Variants in ATP9B observed in about 807,000 individuals in gnomAD.
ATP9B encodes ATPase phospholipid transporting 9B, also known as probable phospholipid-transporting ATPase IIB.
Under a neutral mutation model 146.1 loss-of-function variants are expected in ATP9B, and 110 were observed. The ratio of observed to expected loss-of-function variants is 0.75; its 90% confidence interval spans 0.65 to 0.88. The LOEUF is 0.88. Among genes scored for constraint, ATP9B ranks in the 40% least tolerant of loss-of-function variants. The pLI is 0.00. For missense variants in ATP9B, 1,499 were observed against 1,496.4 expected (o/e 1.00, Z -0.03); for synonymous variants, 604 against 569.7 (o/e 1.06, Z -0.86).
intron 11 of ATP9B, among the ~76,000 whole-genome samples, chr18:79,215,944 C>G (rs1166654383): frequency 2.0e-5 from 3 of 152,164 alleles, no homozygotes; most frequent in Non-Finnish European, 4.4e-5. Flanking sequence ...CTCGCCTCAG[C>G]CTCCCAAAGT....
rs925407234 is a variant in ATP9B at position 79,200,154 on chromosome 18, G to A, written c.955-6783G>A. On this transcript the variant is annotated intron_variant, in intron 9 of 29. Transcript: ENST00000426216. ...TTTTCACCACCGTCACCACAAACAC[G>A]TGAGTAATGTCTAATGCTATGACAT... Among the ~76,000 whole-genome samples the A allele has an allele frequency of 4.6e-5, 7 of 152,192 alleles. No individual in the cohort carries two copies. The East Asian group carries it at 9.6e-4, about 21-fold the overall frequency.
intron 6 of ATP9B, among the ~76,000 whole-genome samples, chr18:79,148,319 T>C (rs1203854141): frequency 1.3e-5 from 2 of 152,218 alleles, no homozygotes; most frequent in Non-Finnish European, 2.9e-5. Context: ...AGAATATCTT[T>C]ATCTCAGTAC....
At chr18:79,139,585 A>C (rs1465856472) in intron 5 of ATP9B, among the ~76,000 whole-genome samples, 1 of 152,224 alleles carries the variant, frequency 6.6e-6, no homozygotes, top group Non-Finnish European at 1.5e-5. Flanking sequence ...TGTGGGCTAC[A>C]TGAGATATTT....
intron 13 of ATP9B, among the ~76,000 whole-genome samples, chr18:79,296,392 G>T (rs1220914232): frequency 1.3e-5 from 2 of 152,188 alleles, no homozygotes; most frequent in East Asian, 1.9e-4. Flanking sequence ...AAATTGTGTG[G>T]TTTTTTCCTA....
chr18:79,117,634 G>A (rs1347888318), intron 4 of ATP9B: 1 of 152,176 alleles, frequency 6.6e-6, no homozygotes, highest in Admixed American at 6.5e-5. Context: ...AACTCTTCCA[G>A]GGCTCTCAGA....
At chr18:79,170,050 A>T (rs1205299363) in intron 7 of ATP9B, among the ~76,000 whole-genome samples, 2 of 152,152 alleles carry the variant, frequency 1.3e-5, no homozygotes, top group Non-Finnish European at 2.9e-5. Context: ...TGCTGCGGTG[A>T]TCACTTGCAA....
chr18:79,237,264 C>G (rs183429554), intron 11 of ATP9B, among the ~76,000 whole-genome samples: 1,803 of 145,158 alleles, frequency 0.012, 18 homozygotes, highest in African/African-American at 0.045. Flanking sequence ...GAGTCAGTGT[C>G]CACACCTGCC....
intron 11 of ATP9B, among the ~76,000 whole-genome samples, chr18:79,241,428 T>A (rs1336692954): frequency 6.6e-6 from 1 of 152,192 alleles, no homozygotes; most frequent in African/African-American, 2.4e-5. Context: ...ACCCACAGCT[T>A]CTCTATCGTC....
In ATP9B at chr18:79,223,299, A is replaced by G. The variant is rs910054216; in HGVS notation, c.1107+9261A>G. 2.0e-5 allele frequency among the ~76,000 whole-genome samples: 3 copies of G among 152,068 alleles called. No homozygotes were observed. The East Asian group carries it at 5.8e-4, about 29-fold the overall frequency. On this transcript the variant is annotated intron_variant, in intron 11 of 29. Coordinates refer to ENST00000426216, the MANE Select transcript of ATP9B (RefSeq NM_198531.5). Reference sequence around the variant, plus strand: ...ATAATTTATTAATATTTTAAAAGTTATATTGATTTATATTAAAATATTACA... The same window carrying G: ...ATAATTTATTAATATTTTAAAAGTTGTATTGATTTATATTAAAATATTACA...
intron 1 of ATP9B, among the ~76,000 whole-genome samples, chr18:79,094,660 A>G (rs1324621047): frequency 6.6e-6 from 1 of 152,226 alleles, no homozygotes; most frequent in Non-Finnish European, 1.5e-5. Context: ...TGTGGCTAGA[A>G]AGGGTGGGTT....
chr18:79,336,467 A>C (rs1329254961), intron 17 of ATP9B, among the ~76,000 whole-genome samples, 161 bp from the exon 18 acceptor site: 9 of 152,154 alleles, frequency 5.9e-5, no homozygotes. Flanking sequence ...ATTGTATGTA[A>C]AGGTGTCCCT....
chr18:79,277,033 G>A, intron 12 of ATP9B, 21 bp from the exon 13 acceptor site: 1 of 1,613,942 alleles, frequency 6.2e-7, no homozygotes. Flanking sequence ...ACTAACCACT[G>A]CAATGGGTTT....
intron 13 of ATP9B, among the ~76,000 whole-genome samples, chr18:79,287,145 G>A (rs2096452778): frequency 2.0e-5 from 3 of 152,198 alleles, no homozygotes; most frequent in Admixed American, 1.3e-4. Context: ...AATGAGTTAG[G>A]GAGGATTCCC....
intron 11 of ATP9B, among the ~76,000 whole-genome samples, chr18:79,233,006 A>G (rs1480779813): frequency 6.6e-6 from 1 of 152,180 alleles, no homozygotes; most frequent in Non-Finnish European, 1.5e-5. Context: ...AGATAAAAAT[A>G]TGTGGCCGGG....
chr18:79,089,899 C>T (rs1009634201), intron 1 of ATP9B, among the ~76,000 whole-genome samples: 1 of 152,066 alleles, frequency 6.6e-6, no homozygotes, highest in African/African-American at 2.4e-5. Context: ...TACCCATTAC[C>T]CATCCATTCT....
At chr18:79,097,115 G>T (rs1013377588) in intron 2 of ATP9B, among the ~76,000 whole-genome samples, 1 of 149,042 alleles carries the variant, frequency 6.7e-6, no homozygotes, top group African/African-American at 2.5e-5. Flanking sequence ...CCGAGATCGA[G>T]CCACTGCACT....
At chr18:79,367,738 C>T (rs1038201700) in intron 26 of ATP9B, among the ~76,000 whole-genome samples, 2 of 152,266 alleles carry the variant, frequency 1.3e-5, no homozygotes, top group Non-Finnish European at 2.9e-5. Flanking sequence ...CACCACACCT[C>T]CTGCTGTGGA....
chr18:79,157,428 G>GTATTGACT (rs2094811669), intron 7 of ATP9B, among the ~76,000 whole-genome samples: 1 of 104,334 alleles, frequency 9.6e-6, no homozygotes, highest in Admixed American at 9.5e-5. Context: ...AAAAAAACAT[G>GTATTGACT]TATTGACTTA....
intron 4 of ATP9B, among the ~76,000 whole-genome samples, chr18:79,122,445 A>G (rs1178447047): frequency 1.3e-5 from 2 of 152,222 alleles, no homozygotes; most frequent in African/African-American, 2.4e-5. Context: ...TTCCCACCCA[A>G]GACTACTACT....
Sources: allele counts gnomAD v4.1 joint callset (sites outside exome capture counted in the v4.1 genomes callset), GRCh38; gene constraint gnomAD v4.1.1; transcripts MANE v1.5; gene names NCBI Gene and HGNC (gene_info 2026-07-23, HGNC 2026-07-21).